Variants in RUFY3 observed in about 807,000 individuals in gnomAD.
The protein encoded by RUFY3 is RUN and FYVE domain containing 3, also known as protein RUFY3.
A neutral mutation model predicts 84.0 loss-of-function variants in RUFY3; 34 were observed. The ratio of observed to expected loss-of-function variants is 0.40; its 90% CI spans 0.31 to 0.54. RUFY3 has a LOEUF of 0.54. Among genes scored for constraint, RUFY3 ranks in the 20% least tolerant of loss-of-function variants. RUFY3 has a pLI of 0.39. For missense variants in RUFY3, 507 were observed against 736.8 expected (o/e 0.69, Z 3.61); for synonymous variants, 242 against 252.9 (o/e 0.96, Z 0.41).
At chr4:70,740,364 A>G (rs1721139311) in intron 1 of RUFY3, among the ~76,000 whole-genome samples, 1 of 152,206 alleles carries the variant, frequency 6.6e-6, no homozygotes, top group South Asian at 2.1e-4. Context: ...AATGTTCTAG[A>G]TGGGATATGC....
chr4:70,789,070 A>T, intron 11 of RUFY3, 97 bp downstream of exon 11: 1 of 1,488,264 alleles, frequency 6.7e-7, no homozygotes, highest in Non-Finnish European at 8.9e-7. Flanking sequence ...TAATTACAAG[A>T]GGAAAGAATC....
intron 4 of RUFY3, among the ~76,000 whole-genome samples, chr4:70,764,996 G>A (rs1403546684): frequency 6.6e-6 from 1 of 151,940 alleles, no homozygotes; most frequent in African/African-American, 2.4e-5. Flanking sequence ...GACCAGCCTG[G>A]TCAATATGTC....
intron 16 of RUFY3, among the ~76,000 whole-genome samples, chr4:70,803,547 G>A (rs1053432451): frequency 8.6e-5 from 13 of 151,580 alleles, no homozygotes; most frequent in Admixed American, 5.9e-4. Flanking sequence ...TCAACTTCCC[G>A]AGCTTAGGCA....
At chr4:70,759,004 C>T (rs1164256897) in intron 1 of RUFY3, among the ~76,000 whole-genome samples, 2 of 151,854 alleles carry the variant, frequency 1.3e-5, no homozygotes, top group African/African-American at 4.8e-5. Flanking sequence ...TGCCACTGCA[C>T]TCCAGCCTGG....
At chr4:70,711,091 A>AG (rs1560433889) in intron 1 of RUFY3, among the ~76,000 whole-genome samples, 1 of 147,058 alleles carries the variant, frequency 6.8e-6, no homozygotes, top group Non-Finnish European at 1.5e-5. Flanking sequence ...AAAAAAAAAA[A>AG]GAAGTATGTC....
intron 1 of RUFY3, among the ~76,000 whole-genome samples, chr4:70,727,441 T>A (rs150840303): frequency 6.8e-6 from 1 of 146,986 alleles, no homozygotes; most frequent in Admixed American, 6.8e-5. Context: ...CTGAAACCTC[T>A]GCCTCCCAGG....
intron 12 of RUFY3, chr4:70,792,886 C>T (rs1485308696): frequency 2.0e-6 from 2 of 985,232 alleles, no homozygotes; most frequent in East Asian, 2.3e-4. Flanking sequence ...ATAAACAAAG[C>T]TCCTACTGTA....
rs568236462 is a variant in RUFY3, at chr4:70,759,587, A to T, written c.179-2932A>T. Among the ~76,000 whole-genome samples, 3 of 152,232 alleles carry T rather than the reference A, an allele frequency of 2.0e-5. No homozygotes were observed. The South Asian group carries it at 6.2e-4, about 32-fold the overall frequency. ...TGGTAGTTCTACTTTTAGTTTTTTGAGGAACCTCCGTACAGTTTTCCATAA... is the reference window on the plus strand; with the variant it reads ...TGGTAGTTCTACTTTTAGTTTTTTGTGGAACCTCCGTACAGTTTTCCATAA... On this transcript the variant is annotated intron_variant, in intron 1 of 17. Coordinates refer to ENST00000381006, the MANE Select transcript of RUFY3 (RefSeq NM_001037442.4).
chr4:70,767,259 A>ATTTTTTTTT (rs779388140), intron 4 of RUFY3, among the ~76,000 whole-genome samples: 11 of 49,690 alleles, frequency 2.2e-4, no homozygotes, highest in Non-Finnish European at 3.4e-4. Context: ...CTAATTTTGT[A>ATTTTTTTTT]TTTTTTTTTT....
Position 70,762,540 on chromosome 4 carries a change from A to G in RUFY3, c.200A>G (p.Asn67Ser), listed in dbSNP as rs140304466. Residue 67 changes from asparagine (N) to serine (S), a missense_variant, in exon 2 of 18, where the codon AAT becomes AGT. Physicochemically the swap from Asn to Ser is conservative, Grantham distance 46 (BLOSUM62 1). Coordinates refer to ENST00000381006, the MANE Select transcript of RUFY3 (RefSeq NM_001037442.4). ...GCAGATCCTAATTATCTCATGGCTA[A>G]TGAACGCATGAACCTCATGAACATG... ...THEDPNYLMA[N>S]ERMNLMNMAK... 6.2e-7 allele frequency: 1 copy of G among 1,609,850 alleles called. No individual in the cohort carries two copies. The highest frequency in any genetic ancestry group is 1.3e-5 in the African/African-American group (1 of 74,808).
intron 5 of RUFY3, among the ~76,000 whole-genome samples, chr4:70,770,389 C>A (rs1455656642): frequency 1.3e-5 from 2 of 152,188 alleles, no homozygotes; most frequent in Admixed American, 1.3e-4. Flanking sequence ...CCACCTTCAT[C>A]AATTATCTTA....
chr4:70,786,683 C>CT (rs967363280), intron 10 of RUFY3, among the ~76,000 whole-genome samples: 1 of 151,928 alleles, frequency 6.6e-6, no homozygotes, highest in African/African-American at 2.4e-5. Context: ...GTCAGTCATA[C>CT]TTTTTTTAAA....
chr4:70,733,275 CT>C (rs1719759769), intron 1 of RUFY3, among the ~76,000 whole-genome samples: 2 of 152,162 alleles, frequency 1.3e-5, no homozygotes, highest in African/African-American at 4.8e-5. Context: ...TCTGGACCGA[CT>C]GTATATTATT....
At chr4:70,729,968 C>G (rs1450458563) in intron 1 of RUFY3, among the ~76,000 whole-genome samples, 1 of 135,646 alleles carries the variant, frequency 7.4e-6, no homozygotes, top group African/African-American at 2.8e-5. Flanking sequence ...GAGTCTCGCT[C>G]TTGTCACCCA....
At chr4:70,794,055 T>C in intron 13 of RUFY3, 151 bp downstream of exon 13, 2 of 816,962 alleles carry the variant, frequency 2.4e-6, no homozygotes, top group South Asian at 2.1e-5. Flanking sequence ...CTTCACGTAC[T>C]TCAACATTCC....
rs1207720161 is a variant in RUFY3 at position 70,722,839 on chromosome 4, A to G, written c.178+88A>G. Reference sequence around the variant, plus strand: ...GGAGGATCAGGGAGAGGTAGAAAGAACCTACACTCTCAACTGTTAACAGTC... The same window carrying G: ...GGAGGATCAGGGAGAGGTAGAAAGAGCCTACACTCTCAACTGTTAACAGTC... On this transcript the variant is annotated intron_variant, in intron 1 of 17. Transcript: ENST00000381006. The G allele has an allele frequency of 3.1e-6, 4 of 1,288,476 alleles. No individual in the cohort carries two copies. In the Admixed American group the frequency reaches 5.9e-5, roughly 19 times the overall value. 79.8% of individuals were successfully genotyped at this position (1,288,476 alleles called of 1,614,324 possible).
chr4:70,774,614 C>CAAAA (rs1172638290), intron 6 of RUFY3, among the ~76,000 whole-genome samples: 21 of 22,090 alleles, frequency 9.5e-4, no homozygotes, highest in South Asian at 3.6e-3. Flanking sequence ...GACTCTGCCT[C>CAAAA]AAAAAAAAAA....
At chr4:70,785,366 A>C (rs955952390) in intron 10 of RUFY3, among the ~76,000 whole-genome samples, 3 of 152,172 alleles carry the variant, frequency 2.0e-5, no homozygotes, top group Non-Finnish European at 4.4e-5. Flanking sequence ...AAAAAAATAC[A>C]TATCAATATA....
At chr4:70,767,779 A>G (rs1227027975) in intron 4 of RUFY3, among the ~76,000 whole-genome samples, 1 of 151,898 alleles carries the variant, frequency 6.6e-6, no homozygotes, top group African/African-American at 2.4e-5. Context: ...CCTGTGTTCA[A>G]GCGATTCTCC....
Sources: allele counts gnomAD v4.1 joint callset (sites outside exome capture counted in the v4.1 genomes callset), GRCh38; gene constraint gnomAD v4.1.1; transcripts MANE v1.5; gene names NCBI Gene and HGNC (gene_info 2026-07-23, HGNC 2026-07-21).